Variants in GRHL2 observed in about 807,000 individuals in gnomAD.
GRHL2 encodes grainyhead-like protein 2 homolog.
Under a neutral mutation model 83.8 loss-of-function variants are expected in GRHL2, and 21 were observed. That is an observed-to-expected ratio of 0.25 (90% CI 0.18 to 0.36). The LOEUF is 0.36. Among genes scored for constraint, GRHL2 ranks in the 10% least tolerant of loss-of-function variants. The probability of loss-of-function intolerance (pLI) is 1.00; values close to 1 mark genes in which losing one functional copy is unlikely to be tolerated. For synonymous variants in GRHL2, 280 were observed against 278.9 expected (o/e 1.00, Z -0.04); for missense variants, 623 against 781.8 (o/e 0.80, Z 2.42).
intron 1 of GRHL2, among the ~76,000 whole-genome samples, chr8:101,508,390 T>TTG (rs1290119773): frequency 6.6e-6 from 1 of 151,246 alleles, no homozygotes; most frequent in Non-Finnish European, 1.5e-5. Flanking sequence ...TTACTCAGGT[T>TTG]TTTTTTTTTT....
At chr8:101,613,837 T>G (rs1374324570) in intron 8 of GRHL2, among the ~76,000 whole-genome samples, 1 of 151,144 alleles carries the variant, frequency 6.6e-6, no homozygotes, top group Non-Finnish European at 1.5e-5. Context: ...CTGTGCAATT[T>G]CTTGGAAAAG....
downstream of GRHL2, among the ~76,000 whole-genome samples, chr8:101,669,893 C>A (rs1452299252): frequency 6.6e-6 from 1 of 152,090 alleles, no homozygotes; most frequent in Non-Finnish European, 1.5e-5. Context: ...GTGCTTCACC[C>A]CAGTGTTAAA....
At position 101,564,774 on chromosome 8, in the gene GRHL2, T is replaced by C. The variant is rs185386840; in HGVS notation, c.679-5565T>C. 2.6e-3 allele frequency among the ~76,000 whole-genome samples: 348 copies of C among 131,390 alleles called. 3 individuals carry two copies. The highest frequency in any genetic ancestry group is 9.5e-3 in the African/African-American group (330 of 34,778). 86.2% of individuals were successfully genotyped at this position (131,390 alleles called of 152,430 possible). On this transcript the variant is annotated intron_variant, in intron 4 of 15. Transcript: ENST00000646743. ...CTGCAGGAAGCTATGATCATGCCAC[T>C]GCACTCCAACTTGGGTGACAGAGCA...
chr8:101,575,167 G>C (rs1208500282), intron 6 of GRHL2, among the ~76,000 whole-genome samples: 1 of 151,212 alleles, frequency 6.6e-6, no homozygotes, highest in Non-Finnish European at 1.5e-5. Context: ...TCCCCCTCTT[G>C]TATATGAGCA....
At chr8:101,581,043 T>C (rs1435617113) in intron 7 of GRHL2, among the ~76,000 whole-genome samples, 1 of 152,220 alleles carries the variant, frequency 6.6e-6, no homozygotes, top group Non-Finnish European at 1.5e-5. Context: ...CTCTCCACCA[T>C]ATACTGCCTT....
rs909257863 is a variant in GRHL2, at chr8:101,552,889, C to T, written c.284+107C>T. ...GAGGAGATGGGGTCAAGAAGCTTAG[C>T]ATCATCTATCTGTCTTTTGAGTCTG... On this transcript the variant is annotated intron_variant, in intron 3 of 15. Transcript: ENST00000646743. 5 of 1,010,330 alleles carry T rather than the reference C, an allele frequency of 4.9e-6. No individual in the cohort carries two copies. In the East Asian group the frequency reaches 8.0e-5, roughly 16 times the overall value. 62.6% of individuals were successfully genotyped at this position (1,010,330 alleles called of 1,614,324 possible).
chr8:101,500,354 A>G (rs140307810), intron 1 of GRHL2, among the ~76,000 whole-genome samples: 10 of 152,214 alleles, frequency 6.6e-5, no homozygotes, highest in South Asian at 2.1e-4. Context: ...TCACCCTACC[A>G]TCTACCTGCC....
At chr8:101,573,394 G>T (rs1811866212) in intron 5 of GRHL2, among the ~76,000 whole-genome samples, 1 of 152,096 alleles carries the variant, frequency 6.6e-6, no homozygotes, top group African/African-American at 2.4e-5. Context: ...GGGTTCTCCT[G>T]GTAGAGCTGT....
intron 1 of GRHL2, among the ~76,000 whole-genome samples, chr8:101,531,252 C>T (rs893482694): frequency 6.6e-6 from 1 of 150,874 alleles, no homozygotes; most frequent in Non-Finnish European, 1.5e-5. Flanking sequence ...AGAACTCAGG[C>T]ACTTGGATGC....
chr8:101,674,793 G>A, the GRHL2 span, among the ~76,000 whole-genome samples: 3 of 152,036 alleles, frequency 2.0e-5, no homozygotes, highest in African/African-American at 7.2e-5. Context: ...GATGAACATT[G>A]ATGCAAAAAT....
intron 7 of GRHL2, among the ~76,000 whole-genome samples, chr8:101,586,113 C>T (rs1016061778): frequency 3.8e-4 from 48 of 127,432 alleles, no homozygotes; most frequent in African/African-American, 1.4e-3. Context: ...CGCTCTGTCG[C>T]CCAGGTGGGA....
At chr8:101,617,619 C>T (rs868032871) in intron 8 of GRHL2, among the ~76,000 whole-genome samples, 26 of 152,206 alleles carry the variant, frequency 1.7e-4, no homozygotes, top group African/African-American at 6.0e-4. Flanking sequence ...ATCCTCCCAT[C>T]TCAGCCTCCC....
At chr8:101,600,177 C>G (rs1301919531) in intron 8 of GRHL2, among the ~76,000 whole-genome samples, 1 of 152,160 alleles carries the variant, frequency 6.6e-6, no homozygotes, top group Non-Finnish European at 1.5e-5. Flanking sequence ...CAATGTAGAA[C>G]AGGCCTGAGA....
chr8:101,573,566 A>G, intron 5 of GRHL2, 102 bp from the exon 6 acceptor site: 2 of 1,410,272 alleles, frequency 1.4e-6, no homozygotes, highest in Admixed American at 3.4e-5. Flanking sequence ...AAAACAGTAA[A>G]CATTGGTTAA....
intron 14 of GRHL2, among the ~76,000 whole-genome samples, chr8:101,653,102 G>A (rs1046855249): frequency 2.6e-5 from 4 of 152,152 alleles, no homozygotes; most frequent in African/African-American, 9.7e-5. Flanking sequence ...TGAGCCCAGA[G>A]GCAAAAAGCT....
chr8:101,649,318 C>T (rs1014689161), intron 13 of GRHL2, 96 bp from the exon 14 acceptor site: 138 of 958,526 alleles, frequency 1.4e-4, no homozygotes, highest in Non-Finnish European at 2.0e-4. Flanking sequence ...GGAGGTGCCA[C>T]TCTCCAACAC....
intron 9 of GRHL2, among the ~76,000 whole-genome samples, chr8:101,624,031 TCACAGTA>T (rs547528060): frequency 0.033 from 4,405 of 132,848 alleles, 120 homozygotes; most frequent in African/African-American, 0.081. Context: ...GTAGGACAGT[TCACAGTA>T]CACAGTACAC....
At chr8:101,544,524 T>C (rs1325646131) in intron 2 of GRHL2, among the ~76,000 whole-genome samples, 3 of 152,226 alleles carry the variant, frequency 2.0e-5, no homozygotes, top group African/African-American at 7.2e-5. Flanking sequence ...CCTGCTCCTT[T>C]TGAATTATTA....
At chr8:101,550,968 G>A (rs1048541926) in intron 2 of GRHL2, among the ~76,000 whole-genome samples, 2 of 152,102 alleles carry the variant, frequency 1.3e-5, no homozygotes, top group South Asian at 2.1e-4. Context: ...ATAGTATTCC[G>A]TTGTATGGCC....
Sources: allele counts gnomAD v4.1 joint callset (sites outside exome capture counted in the v4.1 genomes callset), GRCh38; gene constraint gnomAD v4.1.1; transcripts MANE v1.5; gene names NCBI Gene and HGNC (gene_info 2026-07-23, HGNC 2026-07-21).